The following DLGAP2 variants were observed in gnomAD, a reference collection of about 807,000 sequenced individuals.
The protein encoded by DLGAP2 is disks large-associated protein 2.
A neutral mutation model predicts 100.3 loss-of-function variants in DLGAP2; 26 were observed. The observed-to-expected ratio is 0.26, with a 90% CI of 0.19 to 0.36. The LOEUF (loss-of-function observed/expected upper bound fraction) is 0.36. DLGAP2 is among the 10% of genes least tolerant of loss of function. The pLI is 1.00. For synonymous variants in DLGAP2, 886 were observed against 630.1 expected (o/e 1.41, Z -6.08); for missense variants, 1,858 against 1,453.2 (o/e 1.28, Z -4.53).
chr8:903,981 C>T (rs1477587379), intron 1 of DLGAP2, among the ~76,000 whole-genome samples: 1 of 152,216 alleles, frequency 6.6e-6, no homozygotes, highest in Admixed American at 6.5e-5. Context: ...AGAGGCGTGG[C>T]CGGGCCTGGG....
intron 2 of DLGAP2, among the ~76,000 whole-genome samples, chr8:1,129,691 T>C (rs1295780855): frequency 6.6e-6 from 1 of 152,160 alleles, no homozygotes; most frequent in Non-Finnish European, 1.5e-5. Context: ...ACAGTTCGAG[T>C]TGGTGCTGGC....
chr8:1,253,726 C>T (rs1224023678), intron 2 of DLGAP2, among the ~76,000 whole-genome samples: 1 of 152,186 alleles, frequency 6.6e-6, no homozygotes, highest in Non-Finnish European at 1.5e-5. Flanking sequence ...TAGCACAGAT[C>T]AGTGTGGTCT....
In DLGAP2 at chr8:1,678,565, G is replaced by C. The variant is rs776516917; in HGVS notation, c.2640G>C (p.Lys880Asn). The C allele has an allele frequency of 3.2e-6, 5 of 1,585,528 alleles. No homozygotes were observed. In the South Asian group the frequency reaches 5.8e-5, roughly 18 times the overall value. ...TGAAGCTGCTGCACGCAGAGACAAA[G>C]AGGATGGAAGGCTGGTGCAAAGAGA... ...WFLKLLHAET[K>N]RMEGWCKEME... Residue 880 changes from lysine (K) to asparagine (N), a missense_variant, in exon 12 of 15, where the codon AAG (lysine) becomes AAC (asparagine). Coordinates refer to ENST00000637795, the MANE Select transcript of DLGAP2 (RefSeq NM_001346810.2).
intron 3 of DLGAP2, among the ~76,000 whole-genome samples, chr8:1,430,515 G>A (rs1255588396): frequency 6.6e-6 from 1 of 152,128 alleles, no homozygotes; most frequent in Non-Finnish European, 1.5e-5. Context: ...CAAAGCCTAG[G>A]TCTACAGGCC....
rs1797473866 is a variant in DLGAP2 at position 1,432,285 on chromosome 8, A to C, written c.107-69081A>C. On this transcript the variant is annotated intron_variant, in intron 3 of 14. Coordinates refer to ENST00000637795, the MANE Select transcript of DLGAP2 (RefSeq NM_001346810.2). Reference sequence around the variant, plus strand: ...TATTGATTGGCTTTGCTTCCTCTACAAAAGCAGCTGCCAAATTTAATCTGA... The same window carrying C: ...TATTGATTGGCTTTGCTTCCTCTACCAAAGCAGCTGCCAAATTTAATCTGA... 2.0e-5 allele frequency among the ~76,000 whole-genome samples: 3 copies of C among 152,236 alleles called. No individual in the cohort carries two copies. In the South Asian group the frequency reaches 6.2e-4, roughly 32 times the overall value.
At chr8:1,645,256 A>T (rs1294507981) in intron 8 of DLGAP2, among the ~76,000 whole-genome samples, 1 of 152,238 alleles carries the variant, frequency 6.6e-6, no homozygotes, top group South Asian at 2.1e-4. Context: ...TTCTGTAGAA[A>T]CCATACTCTG....
chr8:1,660,809 A>G (rs1003910694), intron 8 of DLGAP2, among the ~76,000 whole-genome samples: 6 of 152,370 alleles, frequency 3.9e-5, no homozygotes, highest in South Asian at 2.1e-4. Context: ...TGATCAATCA[A>G]AACTTTCCCT....
intron 6 of DLGAP2, among the ~76,000 whole-genome samples, chr8:1,614,237 G>A (rs760239339): frequency 2.0e-5 from 3 of 152,168 alleles, no homozygotes; most frequent in Non-Finnish European, 4.4e-5. Context: ...GAAAAAAAAC[G>A]GATGGCACAG....
chr8:1,633,005 T>C lies in DLGAP2; in HGVS notation c.1769T>C (p.Met590Thr). The C allele has an allele frequency of 1.2e-6, 2 of 1,613,994 alleles. No individual in the cohort carries two copies. Among genetic ancestry groups the C allele is most frequent in the Non-Finnish European group, 1.7e-6 (2 of 1,179,894 alleles). Reference sequence around the variant, plus strand: ...CAAGATGACGAATGTATTCCCATGATGACACCCTCTGACATCACCTCCACC... The same window carrying C: ...CAAGATGACGAATGTATTCCCATGACGACACCCTCTGACATCACCTCCACC... ...YSQDDECIPM[M>T]TPSDITSTIR... The change falls in exon 8 of 15, where the codon ATG (methionine) becomes ACG (threonine). Residue 590 changes from methionine (M) to threonine (T), a missense_variant. Met to Thr is a moderately conservative substitution (Grantham distance 81). Transcript: ENST00000637795.
At chr8:1,645,422 C>G (rs1317683076) in intron 8 of DLGAP2, among the ~76,000 whole-genome samples, 3 of 152,188 alleles carry the variant, frequency 2.0e-5, no homozygotes, top group African/African-American at 7.2e-5. Context: ...GTAGGCTGGG[C>G]TAAGTTACGA....
chr8:1,107,437 C>T (rs1045340046), intron 2 of DLGAP2, among the ~76,000 whole-genome samples: 1 of 152,190 alleles, frequency 6.6e-6, no homozygotes, highest in African/African-American at 2.4e-5. Flanking sequence ...CCAAAGGAAG[C>T]GTCTGTGCAC....
At chr8:1,417,165 A>AGACCCCCGTTCATTT (rs1563133726) in intron 3 of DLGAP2, among the ~76,000 whole-genome samples, 2 of 83,322 alleles carry the variant, frequency 2.4e-5, no homozygotes, top group Non-Finnish European at 2.4e-5. Flanking sequence ...AGTGAAGGGG[A>AGACCCCCGTTCATTT]AGCCCCCGTT....
intron 2 of DLGAP2, among the ~76,000 whole-genome samples, chr8:1,094,370 C>T (rs564581744): frequency 3.9e-5 from 6 of 152,208 alleles, no homozygotes; most frequent in Admixed American, 6.5e-5. Flanking sequence ...GGTGGGTCCA[C>T]GGTGAAGTGC....
At chr8:1,655,955 A>G (rs1798273804) in intron 8 of DLGAP2, among the ~76,000 whole-genome samples, 1 of 152,236 alleles carries the variant, frequency 6.6e-6, no homozygotes, top group African/African-American at 2.4e-5. Flanking sequence ...GCCGCACCTG[A>G]CCATGACCAG....
chr8:1,075,245 G>T (rs376605421), intron 2 of DLGAP2, among the ~76,000 whole-genome samples: 1 of 152,136 alleles, frequency 6.6e-6, no homozygotes, highest in African/African-American at 2.4e-5. Context: ...CTGCCTTTTC[G>T]AGTTAGGACC....
chr8:904,917 A>G (rs1361588175), intron 1 of DLGAP2, among the ~76,000 whole-genome samples: 1 of 152,232 alleles, frequency 6.6e-6, no homozygotes, highest in African/African-American at 2.4e-5. Context: ...GAGAGGAAGA[A>G]ATAAACCTAT....
chr8:1,373,986 C>G (rs552698744), intron 3 of DLGAP2, among the ~76,000 whole-genome samples: 1 of 151,982 alleles, frequency 6.6e-6, no homozygotes, highest in Non-Finnish European at 1.5e-5. Flanking sequence ...CCCAATAGAT[C>G]ACAAAATGCA....
chr8:1,318,402 C>T (rs1800816069), intron 3 of DLGAP2, among the ~76,000 whole-genome samples: 1 of 151,368 alleles, frequency 6.6e-6, no homozygotes, highest in Non-Finnish European at 1.5e-5. Context: ...CCCCACTGTC[C>T]ATATCTAGTT....
intron 3 of DLGAP2, among the ~76,000 whole-genome samples, chr8:1,349,033 G>T (rs1801639208): frequency 6.6e-6 from 1 of 151,800 alleles, no homozygotes; most frequent in Non-Finnish European, 1.5e-5. Context: ...AGATAAATTA[G>T]CTGCAGGGTG....
Sources: gnomAD v4.1 joint callset for allele counts (sites outside exome capture counted in the v4.1 genomes callset) on GRCh38, gnomAD v4.1.1 for gene constraint, MANE v1.5 for transcripts, NCBI Gene and HGNC (gene_info 2026-07-23, HGNC 2026-07-21) for gene names.